Variants in STXBP5L observed in about 807,000 individuals in gnomAD.
STXBP5L encodes syntaxin binding protein 5L.
A neutral mutation model predicts 144.5 loss-of-function variants in STXBP5L; 65 were observed. That is an observed-to-expected ratio of 0.45 (90% CI 0.37 to 0.55). The LOEUF is 0.55. STXBP5L is among the 20% of genes least tolerant of loss of function. STXBP5L has a pLI of 0.00. For missense variants in STXBP5L, 1,298 were observed against 1,405.5 expected, an observed-to-expected ratio of 0.92 and a Z score of 1.22; for synonymous variants, 505 against 469.6, an observed-to-expected ratio of 1.08 and a Z score of -0.97.
chr3:121,155,448 T>C (rs1430258276), intron 8 of STXBP5L, among the ~76,000 whole-genome samples: 1 of 151,888 alleles, frequency 6.6e-6, no homozygotes, highest in African/African-American at 2.4e-5. Context: ...GATGAATGGA[T>C]ATTGTTATCC....
At chr3:121,107,266 T>G (rs1029675962) in intron 5 of STXBP5L, among the ~76,000 whole-genome samples, 2 of 152,192 alleles carry the variant, frequency 1.3e-5, no homozygotes, top group African/African-American at 4.8e-5. Context: ...TTGCTTTTGA[T>G]GTTTTCATCA....
At chr3:120,919,729 G>T (rs189082101) in intron 2 of STXBP5L, among the ~76,000 whole-genome samples, 1 of 151,978 alleles carries the variant, frequency 6.6e-6, no homozygotes, top group East Asian at 1.9e-4. Flanking sequence ...TTCTAAACTA[G>T]ACTTTTTAAT....
At chr3:121,268,377 G>A (rs1363218351) in intron 18 of STXBP5L, among the ~76,000 whole-genome samples, 5 of 152,094 alleles carry the variant, frequency 3.3e-5, no homozygotes, top group Admixed American at 2.6e-4. Flanking sequence ...GACACAGGGA[G>A]GGGAACATCA....
chr3:121,003,872 G>A (rs1373510701), intron 3 of STXBP5L, among the ~76,000 whole-genome samples: 1 of 152,048 alleles, frequency 6.6e-6, no homozygotes, highest in African/African-American at 2.4e-5. Flanking sequence ...AAGATATATG[G>A]CATTATTTCT....
At chr3:121,176,816 A>C (rs1164609333) in intron 9 of STXBP5L, among the ~76,000 whole-genome samples, 2 of 151,932 alleles carry the variant, frequency 1.3e-5, no homozygotes, top group African/African-American at 4.8e-5. Flanking sequence ...TTTTAAAAAA[A>C]AGCAGAGCAG....
chr3:121,286,642 T>C (rs781345114), intron 19 of STXBP5L, among the ~76,000 whole-genome samples: 1 of 152,138 alleles, frequency 6.6e-6, no homozygotes, highest in Non-Finnish European at 1.5e-5. Flanking sequence ...CTATCCAACA[T>C]GGAAACATTT....
intron 25 of STXBP5L, among the ~76,000 whole-genome samples, chr3:121,417,964 T>C (rs977479241): frequency 3.3e-5 from 5 of 152,096 alleles, no homozygotes; most frequent in Non-Finnish European, 5.9e-5. Context: ...CCAAGAAGGC[T>C]GAAATAAAAA....
chr3:121,303,421 G>C (rs338965), intron 19 of STXBP5L, among the ~76,000 whole-genome samples: 74,180 of 151,672 alleles, frequency 0.49, 18,598 homozygotes, highest in East Asian at 0.73. Context: ...TACTTTTACA[G>C]TGTTGGTGGG....
At chr3:121,243,414 C>T (rs926903425) in intron 14 of STXBP5L, among the ~76,000 whole-genome samples, 3 of 152,086 alleles carry the variant, frequency 2.0e-5, no homozygotes, top group Non-Finnish European at 4.4e-5. Flanking sequence ...GAATGTCTAC[C>T]TGGGCTGATT....
intron 3 of STXBP5L, among the ~76,000 whole-genome samples, chr3:120,963,046 G>T (rs1939064630): frequency 6.6e-6 from 1 of 152,152 alleles, no homozygotes; most frequent in Admixed American, 6.5e-5. Flanking sequence ...CGTTGTAAAT[G>T]GGAGTTCACT....
rs557237791 is a variant in STXBP5L at position 121,003,473 on chromosome 3, T to A, written c.288-38227T>A. Reference sequence around the variant, plus strand: ...ATTAGCCCTTTGTCAGATGAGTAGATTGCAAAAATTTTCTCCCATGCTCTA... The same window carrying A: ...ATTAGCCCTTTGTCAGATGAGTAGAATGCAAAAATTTTCTCCCATGCTCTA... On this transcript the variant is annotated intron_variant, in intron 3 of 26. Transcript: ENST00000471454. Among the ~76,000 whole-genome samples, 54 of 152,346 alleles carry A rather than the reference T, an allele frequency of 3.5e-4. 2 individuals are homozygous for A. The South Asian group carries it at 0.011, about 31-fold the overall frequency.
At chr3:121,348,517 G>T (rs1458019994) in intron 20 of STXBP5L, among the ~76,000 whole-genome samples, 1 of 152,096 alleles carries the variant, frequency 6.6e-6, no homozygotes, top group Non-Finnish European at 1.5e-5. Flanking sequence ...TATTGGAATA[G>T]TTTCAGAAGG....
chr3:121,080,900 G>T (rs192002301), intron 5 of STXBP5L, among the ~76,000 whole-genome samples: 30 of 152,202 alleles, frequency 2.0e-4, no homozygotes, highest in African/African-American at 6.7e-4. Flanking sequence ...GTATTTGGAT[G>T]TCTAGATCCC....
chr3:121,281,346 A>G (rs1351540094), intron 19 of STXBP5L, among the ~76,000 whole-genome samples: 2 of 152,020 alleles, frequency 1.3e-5, no homozygotes, highest in African/African-American at 4.8e-5. Context: ...TGCCTCTATC[A>G]CTACCAGATT....
At chr3:121,069,567 T>C (rs2041709160) in intron 5 of STXBP5L, among the ~76,000 whole-genome samples, 1 of 152,194 alleles carries the variant, frequency 6.6e-6, no homozygotes, top group South Asian at 2.1e-4. Flanking sequence ...GATGCAAAGC[T>C]ATTTCCTGGA....
intron 3 of STXBP5L, among the ~76,000 whole-genome samples, chr3:120,989,108 A>G: frequency 6.6e-6 from 1 of 152,072 alleles, no homozygotes; most frequent in East Asian, 1.9e-4. Context: ...TGCTATTGTG[A>G]CTTGTGCTGT....
At chr3:121,283,767 C>T (rs181941541) in intron 19 of STXBP5L, among the ~76,000 whole-genome samples, 2 of 152,082 alleles carry the variant, frequency 1.3e-5, no homozygotes, top group East Asian at 3.9e-4. Context: ...CCATCCTCTG[C>T]ACCACATAAA....
intron 22 of STXBP5L, among the ~76,000 whole-genome samples, chr3:121,398,108 C>G (rs1385551083): frequency 4.6e-5 from 7 of 152,202 alleles, no homozygotes; most frequent in African/African-American, 1.7e-4. Flanking sequence ...ACGGCACAAT[C>G]AGGAGCTGTG....
At chr3:121,220,241 C>G (rs1456887863) in intron 10 of STXBP5L, among the ~76,000 whole-genome samples, 1 of 152,022 alleles carries the variant, frequency 6.6e-6, no homozygotes, top group African/African-American at 2.4e-5. Context: ...ACCTTTTAAG[C>G]CTAGCTTCTT....
Sources: allele counts gnomAD v4.1 joint callset (sites outside exome capture counted in the v4.1 genomes callset), GRCh38; gene constraint gnomAD v4.1.1; transcripts MANE v1.5; gene names NCBI Gene and HGNC (gene_info 2026-07-23, HGNC 2026-07-21).